Variants in PPM1H observed in about 807,000 individuals in gnomAD.
PPM1H encodes the protein protein phosphatase, Mg2+/Mn2+ dependent 1H.
PPM1H carries 27 observed loss-of-function variants against 54.9 expected under a neutral mutation model. That is an observed-to-expected ratio of 0.49 (90% CI 0.36 to 0.68). The LOEUF (loss-of-function observed/expected upper bound fraction) is 0.68. PPM1H is among the 30% of genes least tolerant of loss of function. The pLI is 0.00. For missense variants in PPM1H, 596 were observed against 667.8 expected, an observed-to-expected ratio of 0.89 and a Z score of 1.19; for synonymous variants, 305 against 270.8, an observed-to-expected ratio of 1.13 and a Z score of -1.24.
Position 62,721,293 on chromosome 12 carries a change from G to A in PPM1H, c.955-1004C>T, listed in dbSNP as rs148282359. Among the ~76,000 whole-genome samples the A allele has an allele frequency of 2.0e-3, 300 of 152,310 alleles. 1 individual carries two copies. The highest frequency in any genetic ancestry group is 3.3e-3 in the Non-Finnish European group (225 of 68,038). On this transcript the variant is annotated intron_variant, in intron 5 of 9. Coordinates refer to ENST00000228705, the MANE Select transcript of PPM1H (RefSeq NM_020700.2). ...GTCTGGAGGTATTAGTTAGATGGTA[G>A]TCATCCAATGCTAAGTTTTTCAGGA... is the stretch of plus-strand genomic sequence containing the variant.
chr12:62,848,213 T>A (rs1869046056), intron 1 of PPM1H, among the ~76,000 whole-genome samples: 1 of 152,194 alleles, frequency 6.6e-6, no homozygotes, highest in African/African-American at 2.4e-5. Context: ...AGTAAATACA[T>A]AAAATTCTTA....
chr12:62,755,258 G>T (rs953947050), intron 4 of PPM1H: 1 of 738,192 alleles, frequency 1.4e-6, no homozygotes, highest in Non-Finnish European at 2.5e-6. Flanking sequence ...AATGGATTTG[G>T]TTGTATTGGG....
intron 4 of PPM1H, among the ~76,000 whole-genome samples, chr12:62,763,972 C>T (rs933488519): frequency 8.5e-5 from 13 of 152,298 alleles, no homozygotes; most frequent in African/African-American, 2.4e-4. Flanking sequence ...TCTCCTCCAG[C>T]GAAGGTCAGG....
At chr12:62,731,521 G>T (rs2076320887) in intron 5 of PPM1H, among the ~76,000 whole-genome samples, 1 of 152,174 alleles carries the variant, frequency 6.6e-6, no homozygotes, top group African/African-American at 2.4e-5. Context: ...AAAAATCCCA[G>T]AGAGCCAAGC....
At chr12:62,918,138 C>T (rs1406687772) in intron 1 of PPM1H, among the ~76,000 whole-genome samples, 1 of 152,200 alleles carries the variant, frequency 6.6e-6, no homozygotes, top group East Asian at 1.9e-4. Flanking sequence ...AATATGCAAA[C>T]TGAGGATTTA....
chr12:62,673,973 G>A (rs573848445), intron 8 of PPM1H, among the ~76,000 whole-genome samples: 475 of 151,716 alleles, frequency 3.1e-3, no homozygotes, highest in Non-Finnish European at 5.6e-3. Flanking sequence ...CACCTTGGCC[G>A]TCCAAAGTGC....
At chr12:62,722,459 G>A (rs1443327462) in intron 5 of PPM1H, among the ~76,000 whole-genome samples, 1 of 152,148 alleles carries the variant, frequency 6.6e-6, no homozygotes, top group African/African-American at 2.4e-5. Context: ...AAGACTGGGT[G>A]GATCTTGAGC....
intron 4 of PPM1H, among the ~76,000 whole-genome samples, chr12:62,746,306 C>A (rs1362488231): frequency 1.3e-5 from 2 of 152,232 alleles, no homozygotes; most frequent in Non-Finnish European, 2.9e-5. Flanking sequence ...CAAGAACTGA[C>A]TTGAAACTAT....
intron 3 of PPM1H, among the ~76,000 whole-genome samples, chr12:62,788,766 C>G (rs1341848456): frequency 6.6e-6 from 1 of 152,168 alleles, no homozygotes; most frequent in Admixed American, 6.5e-5. Flanking sequence ...GGCTCTGTCA[C>G]CCAGGCTAGA....
At chr12:62,786,043 C>T (rs2076668848) in intron 4 of PPM1H, among the ~76,000 whole-genome samples, 1 of 152,094 alleles carries the variant, frequency 6.6e-6, no homozygotes, top group South Asian at 2.1e-4. Flanking sequence ...TCAGTCACTT[C>T]CTTAGTCCCT....
chr12:62,716,071 C>T (rs1015162741), intron 6 of PPM1H, among the ~76,000 whole-genome samples: 14 of 152,336 alleles, frequency 9.2e-5, no homozygotes, highest in African/African-American at 3.4e-4. Context: ...AACCTGGATT[C>T]TAGTCCTTAT....
chr12:62,654,387 G>A (rs1366255267), intron 9 of PPM1H, among the ~76,000 whole-genome samples: 8 of 152,240 alleles, frequency 5.3e-5, no homozygotes, highest in Admixed American at 4.6e-4. Context: ...AAAAACAAAT[G>A]AGCATGCGTA....
intron 8 of PPM1H, among the ~76,000 whole-genome samples, chr12:62,675,789 T>C (rs775297769): frequency 2.2e-4 from 33 of 152,210 alleles, no homozygotes; most frequent in South Asian, 4.1e-4. Flanking sequence ...CACAGGACTC[T>C]TCACCACAGC....
intron 1 of PPM1H, among the ~76,000 whole-genome samples, chr12:62,927,655 TC>T (rs1261922833): frequency 7.3e-6 from 1 of 136,544 alleles, no homozygotes; most frequent in Non-Finnish European, 1.6e-5. Flanking sequence ...AGAGCGAAAC[TC>T]CGTCTCAAAA....
chr12:62,915,024 T>A (rs1273406568), intron 1 of PPM1H, among the ~76,000 whole-genome samples: 3 of 152,186 alleles, frequency 2.0e-5, no homozygotes, highest in Non-Finnish European at 4.4e-5. Context: ...CAATACTTGC[T>A]TACTAAAAAA....
chr12:62,675,179 A>G (rs1385204780), intron 8 of PPM1H, among the ~76,000 whole-genome samples: 1 of 152,240 alleles, frequency 6.6e-6, no homozygotes, highest in Non-Finnish European at 1.5e-5. Context: ...TTTGGAGTCT[A>G]CAGACCAAAC....
intron 1 of PPM1H, among the ~76,000 whole-genome samples, chr12:62,873,857 T>C (rs964606624): frequency 1.3e-5 from 2 of 152,178 alleles, no homozygotes; most frequent in African/African-American, 4.8e-5. Flanking sequence ...TAACGACTAC[T>C]AAAGAATGTA....
chr12:62,718,698 C>A (rs910088666), intron 6 of PPM1H, among the ~76,000 whole-genome samples: 2 of 152,204 alleles, frequency 1.3e-5, no homozygotes. Context: ...CCAGACTAAA[C>A]CCCATGATGC....
chr12:62,829,415 G>A (rs1868326787), intron 2 of PPM1H, among the ~76,000 whole-genome samples: 1 of 152,192 alleles, frequency 6.6e-6, no homozygotes, highest in Non-Finnish European at 1.5e-5. Flanking sequence ...AAAAAGTTCT[G>A]GAGATGATGA....
Sources: allele counts gnomAD v4.1 joint callset (sites outside exome capture counted in the v4.1 genomes callset), GRCh38; gene constraint gnomAD v4.1.1; transcripts MANE v1.5; gene names NCBI Gene and HGNC (gene_info 2026-07-23, HGNC 2026-07-21).